KIZ: variants seen among roughly 807,000 people sequenced by gnomAD.
The protein encoded by KIZ is centrosomal protein kizuna.
Under a neutral mutation model 79.6 loss-of-function variants are expected in KIZ, and 68 were observed. The observed-to-expected ratio is 0.85, with a 90% CI of 0.70 to 1.05. The LOEUF (loss-of-function observed/expected upper bound fraction) is 1.05. KIZ is among the 50% of genes least tolerant of loss of function. The pLI, the probability that KIZ is intolerant of heterozygous loss-of-function variation, is 0.00. For missense variants in KIZ, 797 were observed against 800.4 expected (o/e 1.00, Z 0.05); for synonymous variants, 280 against 281.8 (o/e 0.99, Z 0.06).
chr20:21,163,201 T>C, intron 6 of KIZ, 42 bp downstream of exon 6: 4 of 1,340,494 alleles, frequency 3.0e-6, no homozygotes, highest in Non-Finnish European at 4.2e-6. Context: ...CTGTTTTTAA[T>C]TGTAGACATT....
intron 4 of KIZ, among the ~76,000 whole-genome samples, chr20:21,158,239 G>A (rs1458093705): frequency 6.6e-6 from 1 of 152,180 alleles, no homozygotes; most frequent in African/African-American, 2.4e-5. Context: ...TCATATTGGT[G>A]AGTCAGAATG....
At position 21,161,934 on chromosome 20, in the gene KIZ, A is replaced by G; in HGVS notation, c.469A>G (p.Thr157Ala). Reference protein sequence around the residue: ...AMSRGLYQPATIFMGRQMSAI... With the variant: ...AMSRGLYQPAAIFMGRQMSAI... ...GTCAAGAGGATTGTATCAACCAGCA[A>G]CAATCTTTATGGGCCGCCAAATGTC... The change falls in exon 5 of 13, where the codon ACA becomes GCA. Residue 157 changes from threonine (T) to alanine (A), a missense_variant. Thr to Ala is a moderately conservative substitution (Grantham distance 58). Coordinates refer to ENST00000619189, the MANE Select transcript of KIZ (RefSeq NM_018474.6). 1 of 1,613,812 alleles carries G rather than the reference A, an allele frequency of 6.2e-7. No homozygotes were observed. Among genetic ancestry groups the G allele is most frequent in the East Asian group, 2.2e-5 (1 of 44,872 alleles).
At chr20:21,246,319 A>G in intron 12 of KIZ, 160 bp from the exon 13 acceptor site, 1 of 627,256 alleles carries the variant, frequency 1.6e-6, no homozygotes, top group East Asian at 2.8e-5. Flanking sequence ...GCAGTATGAC[A>G]TGCATTTGGG....
chr20:21,180,823 G>C (rs1049719879), intron 6 of KIZ, among the ~76,000 whole-genome samples: 1 of 152,170 alleles, frequency 6.6e-6, no homozygotes, highest in African/African-American at 2.4e-5. Flanking sequence ...CCAGATGTGA[G>C]TTTAGGAATC....
chr20:21,152,243 A>G (rs1381272950), intron 4 of KIZ, among the ~76,000 whole-genome samples: 2 of 152,186 alleles, frequency 1.3e-5, no homozygotes, highest in Non-Finnish European at 1.5e-5. Context: ...CTTGTTCTTT[A>G]CATCCCTTTG....
rs531272140 is a variant in KIZ at position 21,167,148 on chromosome 20, C to T, written c.1352+3989C>T. Reference sequence around the variant, plus strand: ...CTGGTGAGACCTTGAGCAGATGACCCCACTAACCCAGATCCAGACTTCTGT... The same window carrying T: ...CTGGTGAGACCTTGAGCAGATGACCTCACTAACCCAGATCCAGACTTCTGT... On this transcript the variant is annotated intron_variant, in intron 6 of 12. Coordinates refer to ENST00000619189, the MANE Select transcript of KIZ (RefSeq NM_018474.6). Among the ~76,000 whole-genome samples, 11 of 152,296 alleles carry T rather than the reference C, an allele frequency of 7.2e-5. No homozygotes were observed. In the South Asian group the frequency reaches 2.3e-3, roughly 32 times the overall value.
chr20:21,237,690 C>T (rs1221760187), intron 11 of KIZ, among the ~76,000 whole-genome samples: 1 of 152,224 alleles, frequency 6.6e-6, no homozygotes, highest in Non-Finnish European at 1.5e-5. Context: ...GCTTAACCTT[C>T]TGAACGTTTC....
chr20:21,221,866 T>C (rs2123366836), intron 9 of KIZ, among the ~76,000 whole-genome samples: 1 of 152,300 alleles, frequency 6.6e-6, no homozygotes, highest in Non-Finnish European at 1.5e-5. Flanking sequence ...CAAAGCACAG[T>C]GGCATAACAC....
At chr20:21,164,444 C>T (rs2033835823) in intron 6 of KIZ, among the ~76,000 whole-genome samples, 2 of 152,176 alleles carry the variant, frequency 1.3e-5, no homozygotes, top group Admixed American at 6.5e-5. Context: ...TAATACTTCT[C>T]TCATCAAAGA....
intron 11 of KIZ, among the ~76,000 whole-genome samples, chr20:21,237,805 T>C (rs2037070441): frequency 6.6e-6 from 1 of 152,080 alleles, no homozygotes; most frequent in African/African-American, 2.4e-5. Context: ...GTACCCTCCC[T>C]CCCGCAGTGG....
Position 21,162,479 on chromosome 20 carries a change from G to A in KIZ, c.1014G>A (p.Glu338=). ...YCESENKWSQ[E]KHSPWEGVSD... is the part of the protein sequence containing the mutation. ...AATCTGAAAATAAGTGGTCTCAAGA[G>A]AAGCATTCTCCTTGGGAAGGTGTTT... is the stretch of plus-strand genomic sequence containing the variant. The change falls in exon 5 of 13, where the codon GAG becomes GAA. Residue 338 remains glutamate, a synonymous_variant. Transcript: ENST00000619189. The A allele has an allele frequency of 3.7e-6, 6 of 1,613,118 alleles. No individual in the cohort carries two copies. The highest frequency in any genetic ancestry group is 5.1e-6 in the Non-Finnish European group (6 of 1,179,386).
chr20:21,184,028 T>C (rs1042493681), intron 6 of KIZ, among the ~76,000 whole-genome samples: 16 of 152,210 alleles, frequency 1.1e-4, no homozygotes, highest in African/African-American at 3.6e-4. Flanking sequence ...GATCTCATGC[T>C]TCACTCAAGC....
intron 6 of KIZ, among the ~76,000 whole-genome samples, chr20:21,163,745 A>G (rs917746730): frequency 8.5e-5 from 13 of 152,244 alleles, no homozygotes; most frequent in African/African-American, 2.4e-4. Context: ...CATCAGCATT[A>G]TACATTTGAG....
At position 21,205,551 on chromosome 20, in the gene KIZ, C is replaced by G. The variant is rs762243943; in HGVS notation, c.1413C>G (p.Thr471=). Residue 471 remains threonine, a synonymous_variant, in exon 7 of 13, where the codon ACC becomes ACG. Transcript: ENST00000619189. ...CACAGGTGGGTCAGCATGTTGCCAC[C>G]TTGAAAGAACATGATAATTCTGTCA... ...PRAQVGQHVA[T]LKEHDNSVKE... 9.0e-6 allele frequency: 14 copies of G among 1,556,176 alleles called. No homozygotes were observed. The highest frequency in any genetic ancestry group is 1.1e-5 in the Non-Finnish European group (13 of 1,140,052).
intron 4 of KIZ, chr20:21,160,983 T>A (rs1489672483): frequency 6.6e-6 from 1 of 152,412 alleles, no homozygotes; most frequent in Non-Finnish European, 1.5e-5. Flanking sequence ...TTATGCACTG[T>A]TTATGGTATT....
At chr20:21,168,127 G>A (rs1248862046) in intron 6 of KIZ, among the ~76,000 whole-genome samples, 2 of 151,980 alleles carry the variant, frequency 1.3e-5, no homozygotes, top group Admixed American at 6.6e-5. Flanking sequence ...GTGTCCATGT[G>A]TTCTCATTGT....
At chr20:21,245,830 A>T (rs2037370316) in intron 12 of KIZ, 1 of 151,618 alleles carries the variant, frequency 6.6e-6, no homozygotes, top group South Asian at 2.1e-4. Flanking sequence ...CAGTAACCCC[A>T]CTCCCTTGCT....
rs182857579 is a variant in KIZ, at chr20:21,175,710, T to G, written c.1352+12551T>G. On this transcript the variant is annotated intron_variant, in intron 6 of 12. Coordinates refer to ENST00000619189, the MANE Select transcript of KIZ (RefSeq NM_018474.6). ...CTGAATGAACCACATGTCTCAGACC[T>G]TAGTTAAGTCTCTAGGAGGCCAGGC... Among the ~76,000 whole-genome samples the G allele has an allele frequency of 7.9e-5, 12 of 152,300 alleles. No individual in the cohort carries two copies. In the East Asian group the frequency reaches 2.1e-3, roughly 27 times the overall value.
At chr20:21,219,711 A>C (rs2036438492) in intron 9 of KIZ, among the ~76,000 whole-genome samples, 1 of 152,252 alleles carries the variant, frequency 6.6e-6, no homozygotes, top group South Asian at 2.1e-4. Flanking sequence ...TTCTTCCTCT[A>C]TGCTAATGGA....
Sources: allele counts gnomAD v4.1 joint callset (sites outside exome capture counted in the v4.1 genomes callset), GRCh38; gene constraint gnomAD v4.1.1; transcripts MANE v1.5; gene names NCBI Gene and HGNC (gene_info 2026-07-23, HGNC 2026-07-21).